NOSIP: variants seen among roughly 807,000 people sequenced by gnomAD.
NOSIP encodes the protein nitric oxide synthase-interacting protein.
Under a neutral mutation model 36.4 loss-of-function variants are expected in NOSIP, and 25 were observed. The observed-to-expected ratio is 0.69, with a 90% CI of 0.50 to 0.96. The LOEUF is 0.96. Among genes scored for constraint, NOSIP ranks in the 40% least tolerant of loss-of-function variants. NOSIP has a pLI of 0.00. For synonymous variants in NOSIP, 187 were observed against 179.2 expected (o/e 1.04, Z -0.35); for missense variants, 370 against 429.0 (o/e 0.86, Z 1.21).
intron 5 of NOSIP, 22 bp from the exon 6 acceptor site, chr19:49,557,015 C>G: frequency 6.3e-7 from 1 of 1,597,526 alleles, no homozygotes. Flanking sequence ...GGAAGGGACT[C>G]AGATGCCGCC....
intron 8 of NOSIP, 113 bp from the exon 9 acceptor site, chr19:49,555,935 AAGGAGT>A: frequency 1.3e-6 from 1 of 744,126 alleles, no homozygotes; most frequent in Non-Finnish European, 2.3e-6. Context: ...GTTGCTGGCT[AAGGAGT>A]AGGAGTTGGG....
At chr19:49,559,150 T>G (rs1437813296) in intron 3 of NOSIP, 172 bp from the exon 4 acceptor site, 5 of 633,814 alleles carry the variant, frequency 7.9e-6, no homozygotes, top group Non-Finnish European at 1.4e-5. Flanking sequence ...TTTACTGCAG[T>G]GAAAGGATGC....
At chr19:49,576,123 A>G (rs2080549921) in intron 1 of NOSIP, among the ~76,000 whole-genome samples, 1 of 151,374 alleles carries the variant, frequency 6.6e-6, no homozygotes, top group Admixed American at 6.6e-5. Flanking sequence ...CGACAGAGCG[A>G]GACTCCATCT....
At chr19:49,569,368 T>A (rs918992359) in intron 1 of NOSIP, among the ~76,000 whole-genome samples, 31 of 147,486 alleles carry the variant, frequency 2.1e-4, no homozygotes, top group African/African-American at 2.3e-4. Context: ...TAATTTTTTT[T>A]ATTTTTTTTT....
chr19:49,578,260 A>C (rs539612426), intron 1 of NOSIP, among the ~76,000 whole-genome samples: 4 of 151,636 alleles, frequency 2.6e-5, no homozygotes, highest in Non-Finnish European at 4.4e-5. Flanking sequence ...AGTAGCTGGG[A>C]TTATAGGTGC....
intron 1 of NOSIP, among the ~76,000 whole-genome samples, chr19:49,565,796 C>A (rs143333070): frequency 6.7e-6 from 1 of 149,844 alleles, no homozygotes; most frequent in Non-Finnish European, 1.5e-5. Context: ...AAATTAATGG[C>A]GGGGGAACCC....
chr19:49,574,029 T>C (rs946222605), intron 1 of NOSIP, among the ~76,000 whole-genome samples: 10 of 151,956 alleles, frequency 6.6e-5, no homozygotes, highest in African/African-American at 2.4e-4. Context: ...CTAGATACTT[T>C]TTTTGTATTT....
chr19:49,570,303 G>A (rs931749261), intron 1 of NOSIP, among the ~76,000 whole-genome samples: 1 of 152,042 alleles, frequency 6.6e-6, no homozygotes, highest in Non-Finnish European at 1.5e-5. Context: ...CCTTCTGGTT[G>A]CTTTGAAAAA....
intron 1 of NOSIP, among the ~76,000 whole-genome samples, chr19:49,568,806 G>GTTT (rs201030429): frequency 3.5e-5 from 4 of 114,122 alleles, no homozygotes; most frequent in East Asian, 2.8e-4. Context: ...TAGTTTGTTT[G>GTTT]TTTGTTTTTT....
At chr19:49,557,814 G>A (rs866283262) in intron 4 of NOSIP, 12 of 988,034 alleles carry the variant, frequency 1.2e-5, no homozygotes, top group South Asian at 4.7e-5. Flanking sequence ...TTGCCTGGGC[G>A]GTGCTGCAGT....
At chr19:49,579,747 C>A (rs1460027598) in intron 1 of NOSIP, among the ~76,000 whole-genome samples, 1 of 152,106 alleles carries the variant, frequency 6.6e-6, no homozygotes, top group African/African-American at 2.4e-5. Context: ...CCTTAAGTGT[C>A]ATGATGCCTA....
At chr19:49,572,105 T>C (rs1393878869) in intron 1 of NOSIP, among the ~76,000 whole-genome samples, 1 of 151,810 alleles carries the variant, frequency 6.6e-6, no homozygotes, top group Non-Finnish European at 1.5e-5. Flanking sequence ...AATTTTCTTT[T>C]TTTTTTCTTT....
At chr19:49,569,649 A>G (rs2080459815) in intron 1 of NOSIP, among the ~76,000 whole-genome samples, 1 of 151,630 alleles carries the variant, frequency 6.6e-6, no homozygotes. Context: ...CTCTACTAAA[A>G]ATACAAAAAT....
chr19:49,566,349 A>G (rs1033076652), intron 1 of NOSIP, among the ~76,000 whole-genome samples: 5 of 152,162 alleles, frequency 3.3e-5, no homozygotes, highest in Admixed American at 3.3e-4. Context: ...TCACTCTGTC[A>G]TCTAGGCTGA....
At chr19:49,568,810 G>T (rs5023763) in intron 1 of NOSIP, among the ~76,000 whole-genome samples, 34,155 of 115,356 alleles carry the variant, frequency 0.3, 6,130 homozygotes, top group African/African-American at 0.59. Context: ...TTGTTTGTTT[G>T]TTTTTTTTTT....
At chr19:49,567,365 C>G (rs530062638) in intron 1 of NOSIP, among the ~76,000 whole-genome samples, 19 of 151,962 alleles carry the variant, frequency 1.3e-4, no homozygotes, top group Non-Finnish European at 1.2e-4. Context: ...TCGTGATCCG[C>G]CCGCCTCGGC....
intron 3 of NOSIP, 121 bp downstream of exon 3, chr19:49,559,813 G>T: frequency 1.4e-6 from 1 of 715,098 alleles, no homozygotes; most frequent in Non-Finnish European, 2.6e-6. Flanking sequence ...AGGCTCTGAG[G>T]ATAAACTGCT....
intron 1 of NOSIP, among the ~76,000 whole-genome samples, chr19:49,563,659 A>G (rs1270864876): frequency 4.6e-5 from 7 of 151,676 alleles, no homozygotes. Flanking sequence ...ATACCCAGCT[A>G]ATTTTTTGTA....
intron 1 of NOSIP, among the ~76,000 whole-genome samples, chr19:49,571,976 T>C (rs1191669600): frequency 8.3e-6 from 1 of 120,390 alleles, no homozygotes; most frequent in Non-Finnish European, 1.7e-5. Flanking sequence ...AGAGTGAGAC[T>C]CTGTCTCAAA....
Sources: gnomAD v4.1 joint callset for allele counts (sites outside exome capture counted in the v4.1 genomes callset) on GRCh38, gnomAD v4.1.1 for gene constraint, MANE v1.5 for transcripts, NCBI Gene and HGNC (gene_info 2026-07-23, HGNC 2026-07-21) for gene names.